DOK6: variants seen among roughly 807,000 people sequenced by gnomAD.
DOK6 encodes the protein docking protein 6, also known as downstream of tyrosine kinase 6.
DOK6 carries 22 observed loss-of-function variants against 44.0 expected under a neutral mutation model. The observed-to-expected ratio is 0.50, with a 90% confidence interval of 0.36 to 0.71. The LOEUF (loss-of-function observed/expected upper bound fraction) is 0.71. Among genes scored for constraint, DOK6 ranks in the 30% least tolerant of loss-of-function variants. DOK6 has a pLI of 0.00. For synonymous variants in DOK6, 166 were observed against 145.5 expected, an observed-to-expected ratio of 1.14 and a Z score of -1.01; for missense variants, 340 against 416.4, an observed-to-expected ratio of 0.82 and a Z score of 1.60.
chr18:69,580,834 C>T (rs189042900), intron 2 of DOK6, among the ~76,000 whole-genome samples: 180 of 152,274 alleles, frequency 1.2e-3, no homozygotes, highest in African/African-American at 4.2e-3. Flanking sequence ...TATTCCCCAT[C>T]CCCTCAACCC....
intron 4 of DOK6, among the ~76,000 whole-genome samples, chr18:69,695,070 G>A (rs540920718): frequency 1.3e-5 from 2 of 152,278 alleles, no homozygotes; most frequent in South Asian, 4.1e-4. Flanking sequence ...CTTTTGTTCT[G>A]CTGGTACATG....
At chr18:69,556,557 A>G (rs1400856101) in intron 1 of DOK6, among the ~76,000 whole-genome samples, 1 of 152,190 alleles carries the variant, frequency 6.6e-6, no homozygotes, top group African/African-American at 2.4e-5. Context: ...TGGTAGTTTC[A>G]TGCAGCCAGA....
chr18:69,473,030 A>C (rs1247209328), intron 1 of DOK6, among the ~76,000 whole-genome samples: 1 of 152,234 alleles, frequency 6.6e-6, no homozygotes, highest in Non-Finnish European at 1.5e-5. Context: ...AGAGAAAAAC[A>C]TATTTTATGT....
intron 7 of DOK6, among the ~76,000 whole-genome samples, chr18:69,824,144 ATT>A (rs1419165932): frequency 7.3e-5 from 11 of 151,046 alleles, no homozygotes; most frequent in Admixed American, 1.3e-4. Context: ...TGCTGCACCC[ATT>A]AACTCGTCAT....
At chr18:69,530,772 T>C (rs553446754) in intron 1 of DOK6, among the ~76,000 whole-genome samples, 13 of 152,182 alleles carry the variant, frequency 8.5e-5, no homozygotes, top group Admixed American at 2.6e-4. Flanking sequence ...TGTAGATGTC[T>C]ATTAGGTCTG....
chr18:69,510,626 A>G (rs573164463), intron 1 of DOK6, among the ~76,000 whole-genome samples: 1 of 152,292 alleles, frequency 6.6e-6, no homozygotes, highest in African/African-American at 2.4e-5. Context: ...ATATATCTGT[A>G]TATTGGCCAA....
intron 7 of DOK6, among the ~76,000 whole-genome samples, chr18:69,766,832 T>C (rs568747295): frequency 2.0e-5 from 3 of 152,340 alleles, no homozygotes; most frequent in African/African-American, 7.2e-5. Flanking sequence ...CAGAGGCAGA[T>C]AGGCTGTCCT....
At chr18:69,564,072 CA>C (rs1398582136) in intron 1 of DOK6, among the ~76,000 whole-genome samples, 1 of 151,368 alleles carries the variant, frequency 6.6e-6, no homozygotes, top group African/African-American at 2.4e-5. Flanking sequence ...TAAAATTCTA[CA>C]AGATAAGTAA....
chr18:69,608,053 A>T (rs1039396798), intron 3 of DOK6, among the ~76,000 whole-genome samples: 2 of 152,210 alleles, frequency 1.3e-5, no homozygotes, highest in African/African-American at 4.8e-5. Flanking sequence ...CTTAAATTAT[A>T]AAATTGTTAG....
intron 1 of DOK6, among the ~76,000 whole-genome samples, chr18:69,471,084 T>C (rs912954556): frequency 3.1e-4 from 47 of 151,776 alleles, no homozygotes; most frequent in African/African-American, 9.9e-4. Context: ...ACCCTGACTC[T>C]ACTAAAAATA....
At position 69,489,102 on chromosome 18, in the gene DOK6, A is replaced by G. The variant is rs1038857431; in HGVS notation, c.67-75385A>G. On this transcript the variant is annotated intron_variant, in intron 1 of 7. Coordinates refer to ENST00000382713, the MANE Select transcript of DOK6 (RefSeq NM_152721.6). ...TCCATAAAGAACCACGGCTGAACTC[A>G]GAAACACAAGTTCACTAGTTAGATT... Among the ~76,000 whole-genome samples, 17 of 152,212 alleles carry G rather than the reference A, an allele frequency of 1.1e-4. 1 individual carries two copies. Among genetic ancestry groups the G allele is most frequent in the African/African-American group, 4.1e-4 (17 of 41,458 alleles).
chr18:69,639,606 G>A (rs2144653013), intron 3 of DOK6, among the ~76,000 whole-genome samples: 1 of 152,244 alleles, frequency 6.6e-6, no homozygotes, highest in East Asian at 1.9e-4. Context: ...GGTGTTACAG[G>A]ATCCTAATGA....
chr18:69,539,924 A>G (rs1248410320), intron 1 of DOK6, among the ~76,000 whole-genome samples: 2 of 152,174 alleles, frequency 1.3e-5, no homozygotes, highest in African/African-American at 2.4e-5. Context: ...ACAATTCTGC[A>G]TGGCTGGGGA....
intron 4 of DOK6, among the ~76,000 whole-genome samples, chr18:69,683,893 C>T (rs1171526105): frequency 1.3e-5 from 2 of 152,200 alleles, no homozygotes; most frequent in Admixed American, 6.5e-5. Flanking sequence ...CCCAAACTCA[C>T]GTGACCTAGG....
chr18:69,790,501 T>C (rs74417878), intron 7 of DOK6, among the ~76,000 whole-genome samples: 2,413 of 152,326 alleles, frequency 0.016, 32 homozygotes, highest in South Asian at 0.032. Context: ...TAATTAATTA[T>C]ACAATCTGAA....
chr18:69,442,173 A>C (rs1979155050), intron 1 of DOK6, among the ~76,000 whole-genome samples: 1 of 152,026 alleles, frequency 6.6e-6, no homozygotes, highest in African/African-American at 2.4e-5. Flanking sequence ...AAATAGGATC[A>C]ATTTGTTCAT....
chr18:69,443,689 T>A (rs2122445571), intron 1 of DOK6, among the ~76,000 whole-genome samples: 1 of 152,308 alleles, frequency 6.6e-6, no homozygotes, highest in South Asian at 2.1e-4. Context: ...TTGTGTTACT[T>A]TCTATCCCTT....
chr18:69,418,866 A>C (rs1234049724), intron 1 of DOK6, among the ~76,000 whole-genome samples: 1 of 152,180 alleles, frequency 6.6e-6, no homozygotes, highest in African/African-American at 2.4e-5. Flanking sequence ...TAGTTAACTA[A>C]GAAATAGTAG....
chr18:69,634,055 A>G (rs2144648836), intron 3 of DOK6, among the ~76,000 whole-genome samples: 1 of 152,024 alleles, frequency 6.6e-6, no homozygotes, highest in East Asian at 1.9e-4. Context: ...TAAGAAAGTT[A>G]TCTCCCAAAT....
Sources: gnomAD v4.1 joint callset for allele counts (sites outside exome capture counted in the v4.1 genomes callset) on GRCh38, gnomAD v4.1.1 for gene constraint, MANE v1.5 for transcripts, NCBI Gene and HGNC (gene_info 2026-07-23, HGNC 2026-07-21) for gene names.